Variants in STARD13 observed in about 807,000 individuals in gnomAD.
The protein encoded by STARD13 is StAR related lipid transfer domain containing 13.
STARD13 carries 62 observed loss-of-function variants against 106.4 expected under a neutral mutation model. That is an observed-to-expected ratio of 0.58 (90% CI 0.48 to 0.72). The LOEUF is 0.72. Among genes scored for constraint, STARD13 ranks in the 30% least tolerant of loss-of-function variants. STARD13 has a pLI of 0.00. For missense variants in STARD13, 1,387 were observed against 1,424.0 expected, an observed-to-expected ratio of 0.97 and a Z score of 0.42; for synonymous variants, 565 against 553.0, an observed-to-expected ratio of 1.02 and a Z score of -0.31.
the STARD13 span, among the ~76,000 whole-genome samples, chr13:33,582,083 G>A: frequency 3.9e-5 from 6 of 152,122 alleles, no homozygotes; most frequent in African/African-American, 9.6e-5. Flanking sequence ...TTAGCTGGGC[G>A]TGGTGGTGGG....
intron 1 of STARD13, among the ~76,000 whole-genome samples, chr13:33,187,823 C>T (rs1885911580): frequency 6.6e-6 from 1 of 152,108 alleles, no homozygotes; most frequent in Non-Finnish European, 1.5e-5. Context: ...GCTGGGATTA[C>T]AGACCTGTGC....
chr13:33,437,954 C>T, the STARD13 span, among the ~76,000 whole-genome samples: 2 of 152,264 alleles, frequency 1.3e-5, no homozygotes, highest in African/African-American at 2.4e-5. Context: ...CTCTCATGCA[C>T]GATACCTGAA....
the STARD13 span, among the ~76,000 whole-genome samples, chr13:33,453,944 T>G: frequency 6.6e-6 from 1 of 152,196 alleles, no homozygotes; most frequent in African/African-American, 2.4e-5. Flanking sequence ...GTAAAACTGA[T>G]AGTTCGTGAT....
At chr13:33,117,720 A>G (rs1007298536) in intron 8 of STARD13, 27 of 908,396 alleles carry the variant, frequency 3.0e-5, no homozygotes, top group Non-Finnish European at 3.4e-5. Context: ...AAAAAATTGA[A>G]TAAGTTTTAA....
chr13:33,212,542 G>A (rs952330809), intron 1 of STARD13, among the ~76,000 whole-genome samples: 2 of 152,164 alleles, frequency 1.3e-5, no homozygotes, highest in Non-Finnish European at 2.9e-5. Context: ...GGTCCTGCAG[G>A]CAGGTGTGGG....
intron 1 of STARD13, among the ~76,000 whole-genome samples, chr13:33,327,647 A>C (rs1181181760): frequency 1.3e-5 from 2 of 152,232 alleles, no homozygotes; most frequent in Non-Finnish European, 2.9e-5. Flanking sequence ...CTGGGATTAC[A>C]GGCATGAGCC....
the STARD13 span, among the ~76,000 whole-genome samples, chr13:33,516,053 T>TTATA: frequency 1.2e-4 from 18 of 151,328 alleles, no homozygotes; most frequent in Admixed American, 5.9e-4. Context: ...AAAGCAGTTT[T>TTATA]TATATATATA....
the STARD13 span, among the ~76,000 whole-genome samples, chr13:33,563,505 T>C: frequency 2.7e-5 from 4 of 147,358 alleles, 2 homozygotes; most frequent in African/African-American, 1.0e-4. Flanking sequence ...TAAATTGTGC[T>C]GGGAAAACTG....
Position 33,130,684 on chromosome 13 carries a change from G to T in STARD13, c.388-395C>A, listed in dbSNP as rs924601923. 1.3e-5 allele frequency among the ~76,000 whole-genome samples: 2 copies of T among 152,188 alleles called. No homozygotes were observed. Among genetic ancestry groups the T allele is most frequent in the African/African-American group, 4.8e-5 (2 of 41,448 alleles). Reference sequence around the variant, plus strand: ...AAAGGAACTCAACTCTGCCATAAAAGGCACTTACTTCTTTCCAGAAACCTC... The same window carrying T: ...AAAGGAACTCAACTCTGCCATAAAATGCACTTACTTCTTTCCAGAAACCTC... On this transcript the variant is annotated intron_variant, in intron 4 of 13. Transcript: ENST00000336934. This position sits in a 1 kb window ranked among gnomAD's most constrained non-coding sequence, Gnocchi z 4.1.
At chr13:33,357,945 G>T in the STARD13 span, among the ~76,000 whole-genome samples, 135 of 152,310 alleles carry the variant, frequency 8.9e-4, 1 homozygote, top group East Asian at 0.023. Context: ...GCCAAGGCTG[G>T]AGCCCACTCC....
chr13:33,334,164 G>C (rs967558525), intron 1 of STARD13: 2 of 152,218 alleles, frequency 1.3e-5, no homozygotes, highest in African/African-American at 2.4e-5. Context: ...AAGTTTGCTA[G>C]GCACTGATTT....
the STARD13 span, among the ~76,000 whole-genome samples, chr13:33,652,620 C>T: frequency 1.3e-5 from 2 of 152,088 alleles, no homozygotes; most frequent in African/African-American, 2.4e-5. Context: ...TAATGGAGCA[C>T]AAAAATATTT....
the STARD13 span, among the ~76,000 whole-genome samples, chr13:33,625,856 C>A: frequency 6.6e-6 from 1 of 152,008 alleles, no homozygotes; most frequent in Non-Finnish European, 1.5e-5. Flanking sequence ...TTCTCGCCAC[C>A]ATACCCGGCT....
At chr13:33,526,859 A>G in the STARD13 span, among the ~76,000 whole-genome samples, 1 of 152,138 alleles carries the variant, frequency 6.6e-6, no homozygotes. Flanking sequence ...ATGTAAAGAT[A>G]GAGAACAGGA....
At chr13:33,425,112 A>G in the STARD13 span, among the ~76,000 whole-genome samples, 2 of 152,196 alleles carry the variant, frequency 1.3e-5, no homozygotes, top group African/African-American at 4.8e-5. Flanking sequence ...CTGTAGCCTC[A>G]CTTTATGCAA....
the STARD13 span, among the ~76,000 whole-genome samples, chr13:33,621,385 A>T: frequency 2.1e-4 from 32 of 152,094 alleles, no homozygotes; most frequent in Non-Finnish European, 3.1e-4. Flanking sequence ...ACTAAAAAAA[A>T]TTTAAAAACT....
At chr13:33,622,046 C>A in the STARD13 span, among the ~76,000 whole-genome samples, 1 of 151,850 alleles carries the variant, frequency 6.6e-6, no homozygotes, top group African/African-American at 2.4e-5. Flanking sequence ...CTCAGGTGAT[C>A]CACCCGCCTT....
At chr13:33,650,916 C>T in the STARD13 span, among the ~76,000 whole-genome samples, 14 of 152,230 alleles carry the variant, frequency 9.2e-5, no homozygotes, top group South Asian at 4.1e-4. Context: ...GAGTGGCCCT[C>T]GCCAGACACT....
intron 1 of STARD13, among the ~76,000 whole-genome samples, chr13:33,334,221 T>C (rs931747809): frequency 6.6e-6 from 1 of 152,160 alleles, no homozygotes; most frequent in African/African-American, 2.4e-5. Flanking sequence ...TCCTCAACAA[T>C]TAGGTTATTT....
Sources: gnomAD v4.1 joint callset for allele counts (sites outside exome capture counted in the v4.1 genomes callset) on GRCh38, gnomAD v4.1.1 for gene constraint, Gnocchi (gnomAD v3.1) non-coding constraint, MANE v1.5 for transcripts, NCBI Gene and HGNC (gene_info 2026-07-23, HGNC 2026-07-21) for gene names.